The following GRIK1 variants were observed in gnomAD, a reference collection of about 807,000 sequenced individuals.
GRIK1 encodes the protein glutamate receptor ionotropic, kainate 1.
GRIK1 carries 69 observed loss-of-function variants against 105.7 expected under a neutral mutation model. That is an observed-to-expected ratio of 0.65 (90% CI 0.54 to 0.80). GRIK1 has a LOEUF of 0.80. Ranked by LOEUF, GRIK1 falls within the 30% of genes least tolerant of loss-of-function variation. GRIK1 has a pLI of 0.00. For synonymous variants in GRIK1, 438 were observed against 431.3 expected, an observed-to-expected ratio of 1.02 and a Z score of -0.19; for missense variants, 1,109 against 1,167.3, an observed-to-expected ratio of 0.95 and a Z score of 0.73.
At chr21:29,890,166 A>G (rs1280248039) in intron 1 of GRIK1, among the ~76,000 whole-genome samples, 1 of 152,108 alleles carries the variant, frequency 6.6e-6, no homozygotes, top group Non-Finnish European at 1.5e-5. Context: ...AAATATTCTG[A>G]TTTTCCTCAG....
chr21:29,558,376 T>TCACACACACACACACACACACA lies in GRIK1; in HGVS notation c.2357-3096_2357-3075dup, dbSNP rs35594883. Among the ~76,000 whole-genome samples the TCACACACACACACACACACACA allele has an allele frequency of 5.0e-3, 728 of 146,994 alleles. 4 individuals carry two copies. The highest frequency in any genetic ancestry group is 0.017 in the African/African-American group (666 of 39,776). On this transcript the variant is annotated intron_variant, in intron 15 of 17. Transcript: ENST00000327783. Reference sequence around the variant, plus strand: ...TATATATATATTTCATATATATATTTCACACACACACACACACACACATAT... The same window carrying TCACACACACACACACACACACA: ...TATATATATATTTCATATATATATTTCACACACACACACACACACACACACACACACACACACACACACATAT...
At chr21:29,706,276 T>C (rs1026765776) in intron 1 of GRIK1, among the ~76,000 whole-genome samples, 3 of 152,216 alleles carry the variant, frequency 2.0e-5, no homozygotes, top group Non-Finnish European at 2.9e-5. Flanking sequence ...TTTTAATAAC[T>C]TTTTCATTTA....
In GRIK1 at chr21:29,537,889, T is replaced by TAA. The variant is rs759741927; in HGVS notation, c.2608-7_2608-6dup. On this transcript the variant is annotated splice_polypyrimidine_tract_variant and splice_region_variant and intron_variant, in intron 16 of 17. Transcript: ENST00000327783. ...AATTCTTGATGACTTTCCTTTCTGA[T>TAA]AAAAAAAAAAGAAAAAAAAACAATT... 24 of 1,029,664 alleles carry TAA rather than the reference T, an allele frequency of 2.3e-5. No homozygotes were observed. Among genetic ancestry groups the TAA allele is most frequent in the African/African-American group, 5.2e-5 (3 of 57,216 alleles). The allele number at this position is 1,029,664 out of a possible 1,614,324, so 63.8% of individuals were successfully genotyped here.
At chr21:29,726,623 T>G (rs983392013) in intron 1 of GRIK1, among the ~76,000 whole-genome samples, 13 of 152,068 alleles carry the variant, frequency 8.5e-5, no homozygotes, top group Non-Finnish European at 1.9e-4. Context: ...TAATTTATTA[T>G]TCATAAAACA....
In GRIK1 at chr21:29,589,996, T is replaced by A. The variant is rs955523122; in HGVS notation, c.1366-954A>T. On this transcript the variant is annotated intron_variant, in intron 10 of 17. Coordinates refer to ENST00000327783, the MANE Select transcript of GRIK1 (RefSeq NM_001330994.2). ...TCTGGTCATTCTCTGCTTATATACG[T>A]GCATCATCAGTCCCCTCTCCTATAA... 1.3e-5 allele frequency among the ~76,000 whole-genome samples: 2 copies of A among 152,200 alleles called. 1 individual carries two copies.
chr21:29,609,552 A>G (rs1471577380), intron 7 of GRIK1, among the ~76,000 whole-genome samples: 1 of 152,146 alleles, frequency 6.6e-6, no homozygotes, highest in East Asian at 1.9e-4. Context: ...AATAAAGAAG[A>G]TTGCTCTCTC....
intron 14 of GRIK1, among the ~76,000 whole-genome samples, chr21:29,565,673 A>T (rs1245715544): frequency 6.6e-6 from 1 of 152,186 alleles, no homozygotes; most frequent in East Asian, 1.9e-4. Flanking sequence ...ACCTCATGTG[A>T]TCCACCTGCC....
chr21:29,550,135 A>AAAAAAAAAAAAAGG (rs1601083897), intron 16 of GRIK1, among the ~76,000 whole-genome samples: 1 of 147,884 alleles, frequency 6.8e-6, no homozygotes, highest in African/African-American at 2.5e-5. Context: ...AAAAAAAAAA[A>AAAAAAAAAAAAAGG]GTGTGAAGAA....
At chr21:29,717,037 C>T (rs577091453) in intron 1 of GRIK1, among the ~76,000 whole-genome samples, 4 of 152,356 alleles carry the variant, frequency 2.6e-5, no homozygotes, top group South Asian at 2.1e-4. Context: ...GTGCAGCTCA[C>T]GTCATGGCTT....
chr21:29,669,692 GTTGT>G (rs2063128415), intron 4 of GRIK1, among the ~76,000 whole-genome samples: 1 of 152,150 alleles, frequency 6.6e-6, no homozygotes, highest in African/African-American at 2.4e-5. Context: ...ACCTCAGGGG[GTTGT>G]TTGAGATTGA....
intron 1 of GRIK1, among the ~76,000 whole-genome samples, chr21:29,875,744 C>T (rs1373672750): frequency 6.6e-6 from 1 of 152,086 alleles, no homozygotes; most frequent in African/African-American, 2.4e-5. Context: ...GTACTCTTTG[C>T]AGAAAAGAAA....
intron 1 of GRIK1, among the ~76,000 whole-genome samples, chr21:29,891,991 A>G (rs2069919382): frequency 6.6e-6 from 1 of 152,222 alleles, no homozygotes; most frequent in South Asian, 2.1e-4. Flanking sequence ...AAATGAATGA[A>G]TTAAAGTGTA....
chr21:29,579,685 C>T (rs1422296557), intron 13 of GRIK1, among the ~76,000 whole-genome samples: 1 of 152,116 alleles, frequency 6.6e-6, no homozygotes, highest in Admixed American at 6.6e-5. Flanking sequence ...AAGTTTGTAT[C>T]TGGAAAGATT....
intron 12 of GRIK1, among the ~76,000 whole-genome samples, chr21:29,581,850 T>C (rs2091030098): frequency 6.6e-6 from 1 of 152,182 alleles, no homozygotes; most frequent in Admixed American, 6.5e-5. Context: ...AACAACTAGA[T>C]GAACTGTAAA....
At chr21:29,887,305 A>C (rs1221258475) in intron 1 of GRIK1, among the ~76,000 whole-genome samples, 1 of 152,200 alleles carries the variant, frequency 6.6e-6, no homozygotes, top group Non-Finnish European at 1.5e-5. Context: ...TCTTTGGAAG[A>C]ATATGGGGGT....
Position 29,537,367 on chromosome 21 carries a change from T to C in GRIK1, c.2713A>G (p.Ile905Val), listed in dbSNP as rs1475134185. The change falls in exon 18 of 18, where the codon ATC (isoleucine) becomes GTC (valine). Residue 905 changes from isoleucine to valine, a missense_variant. Ile to Val is a conservative substitution (Grantham distance 29, BLOSUM62 3). Coordinates refer to ENST00000327783, the MANE Select transcript of GRIK1 (RefSeq NM_001330994.2). Reference protein sequence around the residue: ...GVEKCLSFNAIMEELGISLKN... With the variant: ...GVEKCLSFNAVMEELGISLKN... ...AGTGAGATTCCCAGTTCTTCCATGA[T>C]AGCGTTGAAAGAGAGACACTAGGGA... The C allele has an allele frequency of 6.8e-6, 11 of 1,611,378 alleles. No homozygotes were observed. Among genetic ancestry groups the C allele is most frequent in the Non-Finnish European group, 9.3e-6 (11 of 1,178,490 alleles).
chr21:29,881,521 T>G (rs531333500), intron 1 of GRIK1, among the ~76,000 whole-genome samples: 15 of 152,104 alleles, frequency 9.9e-5, no homozygotes, highest in Non-Finnish European at 2.1e-4. Flanking sequence ...ATCTAACACA[T>G]GTATCTGGAA....
chr21:29,767,904 A>G (rs183125250), intron 1 of GRIK1, among the ~76,000 whole-genome samples: 77 of 128,572 alleles, frequency 6.0e-4, no homozygotes, highest in African/African-American at 2.2e-3. Context: ...GTGTGTGTGT[A>G]TGTATTCCAT....
chr21:29,810,874 A>G (rs1280448033), intron 1 of GRIK1, among the ~76,000 whole-genome samples: 1 of 152,168 alleles, frequency 6.6e-6, no homozygotes, highest in African/African-American at 2.4e-5. Flanking sequence ...ACAGGTTCAG[A>G]TAACAACAAA....
Sources: gnomAD v4.1 joint callset for allele counts (sites outside exome capture counted in the v4.1 genomes callset) on GRCh38, gnomAD v4.1.1 for gene constraint, MANE v1.5 for transcripts, NCBI Gene and HGNC (gene_info 2026-07-23, HGNC 2026-07-21) for gene names.